Variants in CHFR observed in about 807,000 individuals in gnomAD.
CHFR encodes E3 ubiquitin-protein ligase CHFR.
CHFR carries 57 observed loss-of-function variants against 87.6 expected under a neutral mutation model. The observed-to-expected ratio is 0.65, with a 90% CI of 0.53 to 0.81. The LOEUF (loss-of-function observed/expected upper bound fraction) is 0.81. CHFR is among the 30% of genes least tolerant of loss of function. The pLI is 0.00. For synonymous variants in CHFR, 381 were observed against 359.2 expected, an observed-to-expected ratio of 1.06 and a Z score of -0.69; for missense variants, 797 against 865.8, an observed-to-expected ratio of 0.92 and a Z score of 1.00.
chr12:132,855,501 C>A (rs1951045759), intron 10 of CHFR, among the ~76,000 whole-genome samples: 2 of 142,068 alleles, frequency 1.4e-5, no homozygotes, highest in East Asian at 4.2e-4. Context: ...CCCATCTCTA[C>A]TAAAAATACA....
intron 4 of CHFR, chr12:132,872,022 C>A: frequency 2.3e-6 from 1 of 434,112 alleles, no homozygotes; most frequent in Admixed American, 3.9e-5. Context: ...CCATCCCCAT[C>A]AGTTTCTCCT....
At chr12:132,887,049 A>T (rs1951911805) in intron 2 of CHFR, 147 bp downstream of exon 2, 1 of 628,962 alleles carries the variant, frequency 1.6e-6, no homozygotes, top group Non-Finnish European at 2.5e-6. Context: ...ATCGGTGGGC[A>T]GAACACCGAA....
intron 6 of CHFR, among the ~76,000 whole-genome samples, chr12:132,864,439 T>C (rs1293668065): frequency 6.6e-6 from 1 of 152,196 alleles, no homozygotes; most frequent in Non-Finnish European, 1.5e-5. Flanking sequence ...ACTTATTTTG[T>C]TAGTATGCAT....
Position 132,861,569 on chromosome 12 carries a change from TGGA to T in CHFR, c.646_648del (p.Ser217del). On this transcript the variant is annotated inframe_deletion, in exon 7 of 18. Coordinates refer to ENST00000450056, the MANE Select transcript of CHFR (RefSeq NM_001161346.2). ...CTGTCTGGGAGAGCTGAGGCAAAGC[TGGA>T]GACTTCATCACTTGCCACAGAGGGA... 1 of 1,614,172 alleles carries T rather than the reference TGGA, an allele frequency of 6.2e-7. No individual in the cohort carries two copies. The highest frequency in any genetic ancestry group is 8.5e-7 in the Non-Finnish European group (1 of 1,180,016).
In CHFR at chr12:132,877,540, T is replaced by C. The variant is rs376960803; in HGVS notation, c.233+15A>G. The C allele has an allele frequency of 1.0e-5, 16 of 1,564,944 alleles. No homozygotes were observed. The African/African-American group carries it at 1.9e-4, about 19-fold the overall frequency. On this transcript the variant is annotated intron_variant, in intron 3 of 17. Transcript: ENST00000450056. ...TACAAGAAGAAACACCAAAAGAAGC[T>C]CAGAACATACTCACCTGGTATCTTC...
chr12:132,870,715 C>G lies in CHFR; in HGVS notation c.403+9G>C. ...CATGCACCCACTTCTTTGCTACACT[C>G]TTACTTACCAAAGGATTCTTGTGTC... is the stretch of plus-strand genomic sequence containing the variant. On this transcript the variant is annotated intron_variant, in intron 5 of 17. Transcript: ENST00000450056. 1.9e-6 allele frequency: 3 copies of G among 1,592,070 alleles called. No individual in the cohort carries two copies. The highest frequency in any genetic ancestry group is 1.7e-5 in the Admixed American group (1 of 59,912).
chr12:132,846,594 C>T (rs987331855), intron 15 of CHFR, among the ~76,000 whole-genome samples: 7 of 151,854 alleles, frequency 4.6e-5, no homozygotes, highest in African/African-American at 1.7e-4. Flanking sequence ...AAAAAACAAC[C>T]TGAAGGCCGG....
Position 132,836,927 on chromosome 12 carries a change from T to C in CHFR, c.*4627A>G, listed in dbSNP as rs914879222. Reference sequence around the variant, plus strand: ...ACAGGCAAGATCCCTGCTCTATTTTTTTGAGAGGGGGAGACAAACGGTAAA... The same window carrying C: ...ACAGGCAAGATCCCTGCTCTATTTTCTTGAGAGGGGGAGACAAACGGTAAA... On this transcript the variant is annotated 3_prime_UTR_variant, in exon 18 of 18. Coordinates refer to ENST00000450056, the MANE Select transcript of CHFR (RefSeq NM_001161346.2). 5.4e-6 allele frequency: 2 copies of C among 369,474 alleles called. No homozygotes were observed. Among genetic ancestry groups the C allele is most frequent in the African/African-American group, 4.3e-5 (2 of 47,030 alleles). 22.9% of individuals were successfully genotyped at this position (369,474 alleles called of 1,614,324 possible).
In CHFR at chr12:132,869,796, T is replaced by C; in HGVS notation, c.406A>G (p.Thr136Ala). 3.9e-6 allele frequency: 6 copies of C among 1,551,180 alleles called. No individual in the cohort carries two copies. Among genetic ancestry groups the C allele is most frequent in the Non-Finnish European group, 5.2e-6 (6 of 1,146,920 alleles). ...CCTCGCCCTGCACCTGCACCTGAGG[T>C]ATCTTTGGTCCCATGGAACACATTT... The part of the protein sequence containing the change: ...KQGMTQESFD[T>A]SGAGAGRGAD... Residue 136 changes from threonine (T) to alanine (A), a missense_variant and splice_region_variant, in exon 6 of 18, where the codon ACC becomes GCC. Physicochemically the swap from Thr to Ala is moderately conservative, Grantham distance 58. Transcript: ENST00000450056.
chr12:132,870,946 AAC>A (rs1478101165), intron 4 of CHFR, among the ~76,000 whole-genome samples, 163 bp from the exon 5 acceptor site: 1 of 152,252 alleles, frequency 6.6e-6, no homozygotes. Context: ...AGTAATCTAA[AAC>A]ATCTCTACCA....
chr12:132,844,204 T>G, intron 15 of CHFR, 70 bp from the exon 16 acceptor site: 1 of 982,332 alleles, frequency 1.0e-6, no homozygotes, highest in Non-Finnish European at 1.6e-6. Context: ...TTCACAGCAG[T>G]GGGAGACTAA....
rs1432162608 is a variant in CHFR at position 132,836,790 on chromosome 12, G to A, written c.*4764C>T. The stretch of plus-strand genomic sequence containing the variant: ...GCCGCGGGAAAGATTTCAAGCCCAG[G>A]GGACGGCTCATCAGCTCATCAGACC... On this transcript the variant is annotated 3_prime_UTR_variant, in exon 18 of 18. Transcript: ENST00000450056. 2 of 455,986 alleles carry A rather than the reference G, an allele frequency of 4.4e-6. No individual in the cohort carries two copies. Among genetic ancestry groups the A allele is most frequent in the East Asian group, 1.4e-4 (2 of 14,392 alleles). The allele number at this position is 455,986 out of a possible 1,614,324, so 28.2% of individuals were successfully genotyped here. A position where few individuals can be genotyped will look rare whatever the true frequency, so the allele number is the denominator to read the frequency against.
In CHFR at chr12:132,844,111, C is replaced by A. The variant is rs758025460; in HGVS notation, c.1759G>T (p.Val587Phe). 6.2e-7 allele frequency: 1 copy of A among 1,612,802 alleles called. No homozygotes were observed. The highest frequency in any genetic ancestry group is 1.7e-5 in the Admixed American group (1 of 59,962). The change falls in exon 16 of 18, where the codon GTT becomes TTT. Residue 587 changes from valine to phenylalanine, a missense_variant. Physicochemically the swap from Val to Phe is conservative, Grantham distance 50. This residue lies in a region of CHFR where 200 missense variants were observed against 264.6 expected (regional missense o/e 0.76). Coordinates refer to ENST00000450056, the MANE Select transcript of CHFR (RefSeq NM_001161346.2). ...LSDYRVTGDT[V>F]LCYCCGLRSF... ...CGCAGGCCACAGCAGTAACACAGAA[C>A]GGTGTCTCCCGTGACTCTGTAATCT... is the stretch of plus-strand genomic sequence containing the variant.
intron 6 of CHFR, among the ~76,000 whole-genome samples, chr12:132,863,192 G>A (rs1481223598): frequency 4.2e-5 from 6 of 142,200 alleles, no homozygotes; most frequent in African/African-American, 1.0e-4. Flanking sequence ...CACCGCGCCC[G>A]GCCTGACCTC....
At chr12:132,875,388 TCC>T (rs1951607420) in intron 3 of CHFR, among the ~76,000 whole-genome samples, 2 of 152,122 alleles carry the variant, frequency 1.3e-5, no homozygotes, top group Non-Finnish European at 2.9e-5. Flanking sequence ...ACACTTGCAA[TCC>T]CAGCACTTGG....
rs764723102 is a variant in CHFR at position 132,853,510 on chromosome 12, G to A, written c.1293C>T (p.His431=). ...EYRRQAAQPP[H]CPAPEGEPGA... ...CTGGCTCGCCCTCGGGTGCTGGGCAGTGGGGAGGCTGCGCCGCCTGCCTTC... is the reference window on the plus strand; with the variant it reads ...CTGGCTCGCCCTCGGGTGCTGGGCAATGGGGAGGCTGCGCCGCCTGCCTTC... The change falls in exon 11 of 18, where the codon CAC becomes CAT. Residue 431 remains histidine (H), a synonymous_variant. Transcript: ENST00000450056. 8 of 1,533,836 alleles carry A rather than the reference G, an allele frequency of 5.2e-6. No individual in the cohort carries two copies. Among genetic ancestry groups the A allele is most frequent in the Non-Finnish European group, 6.1e-6 (7 of 1,144,402 alleles).
chr12:132,864,373 G>C (rs1428797733), intron 6 of CHFR, among the ~76,000 whole-genome samples: 2 of 152,232 alleles, frequency 1.3e-5, no homozygotes, highest in African/African-American at 4.8e-5. Flanking sequence ...ACCACTTACA[G>C]AATGTACCTG....
Position 132,887,255 on chromosome 12 carries a change from T to C in CHFR, c.74A>G (p.Glu25Gly). 6.7e-7 allele frequency: 1 copy of C among 1,501,460 alleles called. No homozygotes were observed. 93.0% of individuals were successfully genotyped at this position (1,501,460 alleles called of 1,614,324 possible). ...PWGRLLRLGA[E>G]EGEPHVLLRK... is the part of the protein sequence containing the mutation. ...CAGGAGGACGTGCGGCTCGCCCTCCTCCGCGCCCAGACGCAGGAGCCGTCC... is the reference window on the plus strand; with the variant it reads ...CAGGAGGACGTGCGGCTCGCCCTCCCCCGCGCCCAGACGCAGGAGCCGTCC... The change falls in exon 2 of 18, where the codon GAG (glutamate) becomes GGG (glycine). Residue 25 changes from glutamate (E) to glycine (G), a missense_variant. Coordinates refer to ENST00000450056, the MANE Select transcript of CHFR (RefSeq NM_001161346.2).
At chr12:132,861,710 A>T in intron 6 of CHFR, 76 bp from the exon 7 acceptor site, 1 of 1,409,264 alleles carries the variant, frequency 7.1e-7, no homozygotes, top group Middle Eastern at 2.0e-4. Flanking sequence ...GGTGTCACTG[A>T]CTGGAGCCCA....
Sources: gnomAD v4.1 joint callset for allele counts (sites outside exome capture counted in the v4.1 genomes callset) on GRCh38, gnomAD v4.1.1 for gene constraint, gnomAD v4.1.1 regional missense constraint, MANE v1.5 for transcripts, NCBI Gene and HGNC (gene_info 2026-07-23, HGNC 2026-07-21) for gene names.